Variants in TCF4 observed in about 807,000 individuals in gnomAD.
TCF4 encodes the protein transcription factor 4.
In TCF4, 3 loss-of-function variants were observed where a neutral mutation model predicts 82.1. The ratio of observed to expected loss-of-function variants is 0.04; its 90% CI spans 0.02 to 0.09. TCF4 has a LOEUF of 0.09. TCF4 is among the 10% of genes least tolerant of loss of function. The pLI is 1.00. For missense variants in TCF4, 518 were observed against 852.7 expected (o/e 0.61, Z 4.89); for synonymous variants, 276 against 309.6 (o/e 0.89, Z 1.14).
chr18:55,485,112 C>G (rs1223946457), intron 3 of TCF4, among the ~76,000 whole-genome samples: 1 of 152,188 alleles, frequency 6.6e-6, no homozygotes, highest in South Asian at 2.1e-4. Context: ...GACCACTTAT[C>G]CTCTTTGATG....
At chr18:55,476,550 G>A (rs1391121167) in intron 3 of TCF4, among the ~76,000 whole-genome samples, 2 of 151,488 alleles carry the variant, frequency 1.3e-5, no homozygotes, top group Non-Finnish European at 2.9e-5. Context: ...ATCAGGGCTC[G>A]CTGCAACCTC....
In TCF4 at chr18:55,228,339, A is replaced by G; in HGVS notation, c.1902T>C (p.Ala634=). The G allele has an allele frequency of 6.2e-7, 1 of 1,614,120 alleles. No homozygotes were observed. The part of the protein sequence containing the change: ...QVRERNLNPK[A]ACLKRREEEK... The stretch of plus-strand genomic sequence containing the variant: ...CTTCCTCCCTTCTTTTCAGACACGC[A>G]GCTTTCGGATTCAGATTCCTTTCTG... The change falls in exon 19 of 20, where the codon GCT becomes GCC. Residue 634 remains alanine, a synonymous_variant. Transcript: ENST00000354452.
intron 8 of TCF4, chr18:55,321,875 G>A: frequency 2.8e-6 from 4 of 1,431,578 alleles, no homozygotes; most frequent in Non-Finnish European, 3.7e-6. Context: ...TGCAAAGCAG[G>A]AAGAGACCAT....
chr18:55,415,994 T>G (rs1267506133), intron 5 of TCF4, among the ~76,000 whole-genome samples: 1 of 152,214 alleles, frequency 6.6e-6, no homozygotes, highest in Non-Finnish European at 1.5e-5. Flanking sequence ...TTGAGATACA[T>G]AAGTTCCTTA....
intron 3 of TCF4, among the ~76,000 whole-genome samples, chr18:55,567,540 C>T (rs997635440): frequency 6.6e-6 from 1 of 152,102 alleles, no homozygotes; most frequent in East Asian, 1.9e-4. Flanking sequence ...TGGTGAAACC[C>T]AGTCTCTACT....
intron 3 of TCF4, among the ~76,000 whole-genome samples, chr18:55,494,206 G>C (rs1157381314): frequency 6.9e-6 from 1 of 145,566 alleles, no homozygotes; most frequent in Non-Finnish European, 1.5e-5. Flanking sequence ...TGTACAACCA[G>C]GAAGAAAAAG....
chr18:55,384,408 G>A (rs146448663), intron 6 of TCF4, among the ~76,000 whole-genome samples: 4 of 152,312 alleles, frequency 2.6e-5, no homozygotes, highest in South Asian at 2.1e-4. Context: ...AGCATGTGTC[G>A]TCTTCAACTG....
At chr18:55,615,531 T>A (rs1185674317) in intron 2 of TCF4, among the ~76,000 whole-genome samples, 2 of 152,102 alleles carry the variant, frequency 1.3e-5, no homozygotes, top group Non-Finnish European at 2.9e-5. Context: ...TTTCCTTGCC[T>A]TATTACATTG....
At chr18:55,386,875 G>T (rs768479523) in intron 6 of TCF4, among the ~76,000 whole-genome samples, 12 of 152,160 alleles carry the variant, frequency 7.9e-5, no homozygotes, top group Non-Finnish European at 1.8e-4. Context: ...AATATAAGGG[G>T]TGCTCCAGTT....
At chr18:55,435,089 A>C (rs1261317086) in intron 5 of TCF4, among the ~76,000 whole-genome samples, 1 of 152,130 alleles carries the variant, frequency 6.6e-6, no homozygotes, top group South Asian at 2.1e-4. Flanking sequence ...TTAACAAATA[A>C]ACCTTCTACT....
chr18:55,511,331 T>TTAA (rs755856896), intron 3 of TCF4, among the ~76,000 whole-genome samples: 3 of 131,400 alleles, frequency 2.3e-5, no homozygotes, highest in East Asian at 2.4e-4. Flanking sequence ...TCCAAAAGTT[T>TTAA]AAAAAAAAAA....
chr18:55,514,383 G>A (rs1219985827), intron 3 of TCF4, among the ~76,000 whole-genome samples: 1 of 146,176 alleles, frequency 6.8e-6, no homozygotes, highest in Non-Finnish European at 1.5e-5. Flanking sequence ...ACATCCATGA[G>A]CATACACACA....
chr18:55,403,339 G>A (rs907428748), intron 6 of TCF4, 115 bp downstream of exon 6: 128 of 1,167,704 alleles, frequency 1.1e-4, no homozygotes, highest in Middle Eastern at 2.0e-4. Context: ...GCCATCATCT[G>A]ACTTGCCGGT....
At chr18:55,313,075 T>C (rs1051086735) in intron 8 of TCF4, among the ~76,000 whole-genome samples, 1 of 152,152 alleles carries the variant, frequency 6.6e-6, no homozygotes, top group African/African-American at 2.4e-5. Flanking sequence ...AATAACTTAT[T>C]GGCTTTAAAA....
intron 2 of TCF4, among the ~76,000 whole-genome samples, chr18:55,618,669 C>G (rs2097714578): frequency 6.6e-6 from 1 of 151,920 alleles, no homozygotes; most frequent in South Asian, 2.1e-4. Context: ...GCAGCCTTGA[C>G]CTCCTAGGCT....
chr18:55,237,878 T>A (rs187706142), intron 15 of TCF4, among the ~76,000 whole-genome samples: 36 of 152,332 alleles, frequency 2.4e-4, no homozygotes, highest in Admixed American at 2.3e-3. Flanking sequence ...TCTGGTCACA[T>A]AAGAGACAAG....
chr18:55,576,921 C>A (rs1353647293), intron 3 of TCF4, among the ~76,000 whole-genome samples: 2 of 151,590 alleles, frequency 1.3e-5, no homozygotes, highest in East Asian at 1.9e-4. Context: ...CAAGATGATT[C>A]TTCTTCTTCC....
chr18:55,248,106 G>A (rs563336339), intron 15 of TCF4, among the ~76,000 whole-genome samples: 1 of 152,278 alleles, frequency 6.6e-6, no homozygotes, highest in Non-Finnish European at 1.5e-5. Flanking sequence ...AATAGACACA[G>A]AACTTTATGG....
intron 11 of TCF4, among the ~76,000 whole-genome samples, chr18:55,263,860 T>C (rs1405606682): frequency 6.6e-6 from 1 of 151,850 alleles, no homozygotes; most frequent in East Asian, 1.9e-4. Context: ...CAGAGCTACA[T>C]TGGAAAAATC....
Sources: allele counts gnomAD v4.1 joint callset (sites outside exome capture counted in the v4.1 genomes callset), GRCh38; gene constraint gnomAD v4.1.1; transcripts MANE v1.5; gene names NCBI Gene and HGNC (gene_info 2026-07-23, HGNC 2026-07-21).